The following TBCK variants were observed in gnomAD, a reference collection of about 807,000 sequenced individuals.
TBCK encodes the protein TBC1 domain containing kinase.
TBCK carries 99 observed loss-of-function variants against 113.4 expected under a neutral mutation model. The observed-to-expected ratio is 0.87, with a 90% CI of 0.74 to 1.03. The LOEUF (loss-of-function observed/expected upper bound fraction) is 1.03, where lower values mean the gene tolerates loss of function less well. Ranked by LOEUF, TBCK falls within the 50% of genes least tolerant of loss-of-function variation. The probability of loss-of-function intolerance (pLI) is 0.00; values close to 1 mark genes in which losing one functional copy is unlikely to be tolerated. For synonymous variants in TBCK, 369 were observed against 370.8 expected (o/e 1.00, Z 0.05); for missense variants, 1,045 against 1,061.3 (o/e 0.98, Z 0.21).
chr4:106,069,359 A>G (rs1737082057), intron 25 of TBCK, among the ~76,000 whole-genome samples: 1 of 152,216 alleles, frequency 6.6e-6, no homozygotes, highest in Non-Finnish European at 1.5e-5. Flanking sequence ...AGCTTTCTAC[A>G]TATGGCTAGC....
chr4:106,103,549 C>T (rs1741793334), intron 24 of TBCK, among the ~76,000 whole-genome samples: 1 of 152,120 alleles, frequency 6.6e-6, no homozygotes, highest in Non-Finnish European at 1.5e-5. Flanking sequence ...GTTATATGGC[C>T]TTGGGAAAGT....
At chr4:106,249,712 G>A (rs1761216343) in intron 7 of TBCK, among the ~76,000 whole-genome samples, 1 of 152,124 alleles carries the variant, frequency 6.6e-6, no homozygotes, top group African/African-American at 2.4e-5. Flanking sequence ...AATAGCTGTA[G>A]TATCAATCTT....
intron 19 of TBCK, among the ~76,000 whole-genome samples, chr4:106,223,720 G>T (rs1014771501): frequency 2.0e-5 from 3 of 152,102 alleles, no homozygotes; most frequent in African/African-American, 7.2e-5. Context: ...CACTACAAGA[G>T]TATGTTTAAT....
chr4:106,193,312 T>C (rs1235998989), intron 22 of TBCK, among the ~76,000 whole-genome samples: 1 of 152,162 alleles, frequency 6.6e-6, no homozygotes, highest in East Asian at 1.9e-4. Flanking sequence ...AAACAGCCCC[T>C]GTCCTAAGCA....
intron 15 of TBCK, among the ~76,000 whole-genome samples, chr4:106,234,320 T>C (rs567110145): frequency 1.3e-5 from 2 of 152,236 alleles, no homozygotes; most frequent in Admixed American, 6.5e-5. Flanking sequence ...TATTGAACAA[T>C]TGGCATTCTT....
chr4:106,214,622 A>T (rs1295964240), intron 19 of TBCK, among the ~76,000 whole-genome samples: 1 of 152,190 alleles, frequency 6.6e-6, no homozygotes, highest in African/African-American at 2.4e-5. Flanking sequence ...TCAGCAATGG[A>T]AGATGAAATG....
At chr4:106,281,292 C>T (rs1402267211) in intron 3 of TBCK, among the ~76,000 whole-genome samples, 5 of 135,164 alleles carry the variant, frequency 3.7e-5, no homozygotes, top group African/African-American at 1.4e-4. Flanking sequence ...ATTCATTTAT[C>T]ACTTCTAATC....
chr4:106,190,867 A>G (rs533685313), intron 22 of TBCK, among the ~76,000 whole-genome samples: 36 of 152,182 alleles, frequency 2.4e-4, no homozygotes, highest in African/African-American at 7.9e-4. Flanking sequence ...CAGCCTCCCA[A>G]CTAGCTGAGA....
intron 23 of TBCK, among the ~76,000 whole-genome samples, chr4:106,132,038 A>G (rs1295420204): frequency 2.0e-5 from 3 of 152,244 alleles, no homozygotes; most frequent in Non-Finnish European, 2.9e-5. Context: ...GCAGAGCAAA[A>G]AAGTTTGAAA....
chr4:106,138,660 G>A lies in TBCK; in HGVS notation c.2236-22282C>T, dbSNP rs1040040036. On this transcript the variant is annotated intron_variant, in intron 23 of 25. Coordinates refer to ENST00000394708, the MANE Select transcript of TBCK (RefSeq NM_001163435.3). ...CAGGGTCAAAGTGGCAATGTAGGGTGGTGTTGGTGTTGGTGTTGCTTTGCT... is the reference window on the plus strand; with the variant it reads ...CAGGGTCAAAGTGGCAATGTAGGGTAGTGTTGGTGTTGGTGTTGCTTTGCT... Among the ~76,000 whole-genome samples, 2 of 140,750 alleles carry A rather than the reference G, an allele frequency of 1.4e-5. 1 individual carries two copies. Among genetic ancestry groups the A allele is most frequent in the African/African-American group, 5.0e-5 (2 of 39,710 alleles). 92.3% of individuals were successfully genotyped at this position (140,750 alleles called of 152,430 possible).
chr4:106,198,840 T>C (rs1754554591), intron 20 of TBCK, among the ~76,000 whole-genome samples: 1 of 152,092 alleles, frequency 6.6e-6, no homozygotes. Context: ...AACAGATACC[T>C]AAAATGCTTT....
At chr4:106,077,849 A>G (rs1485362259) in intron 25 of TBCK, among the ~76,000 whole-genome samples, 7 of 152,208 alleles carry the variant, frequency 4.6e-5, no homozygotes, top group Non-Finnish European at 2.9e-5. Flanking sequence ...AACAGAATAC[A>G]TATTCTTCTC....
At position 106,235,338 on chromosome 4, in the gene TBCK, C is replaced by A. The variant is rs751680852; in HGVS notation, c.1380G>T (p.Trp460Cys). 13 of 1,609,870 alleles carry A rather than the reference C, an allele frequency of 8.1e-6. No individual in the cohort carries two copies. The East Asian group carries it at 2.5e-4, about 30-fold the overall frequency. ...GAGGAATGTCAACTCTTGCTTCTTTCCAGATTTGGTTTTTTTTATATGGAT... is the reference window on the plus strand; with the variant it reads ...GAGGAATGTCAACTCTTGCTTCTTTACAGATTTGGTTTTTTTTATATGGAT... ...KAYPYKKNQI[W>C]KEARVDIPPL... is the part of the protein sequence containing the mutation. The change falls in exon 15 of 26, where the codon TGG becomes TGT. Residue 460 changes from tryptophan to cysteine, a missense_variant. Physicochemically the swap from Trp to Cys is radical, Grantham distance 215. Coordinates refer to ENST00000394708, the MANE Select transcript of TBCK (RefSeq NM_001163435.3).
At chr4:106,215,264 C>T (rs1283913486) in intron 19 of TBCK, among the ~76,000 whole-genome samples, 1 of 151,786 alleles carries the variant, frequency 6.6e-6, no homozygotes, top group Non-Finnish European at 1.5e-5. Context: ...CAAAATCATG[C>T]CAAAATGTAA....
In TBCK at chr4:106,118,248, T is replaced by C. The variant is rs540953426; in HGVS notation, c.2236-1870A>G. Among the ~76,000 whole-genome samples, 10 of 152,276 alleles carry C rather than the reference T, an allele frequency of 6.6e-5. No individual in the cohort carries two copies. The East Asian group carries it at 1.7e-3, about 26-fold the overall frequency. On this transcript the variant is annotated intron_variant, in intron 23 of 25. Transcript: ENST00000394708. ...CCATATAAATCATTTACCAGATAGA[T>C]TTATTTAAAAAAATGGTTTTCAATT...
Position 106,058,497 on chromosome 4 carries a change from T to C in TBCK, c.2572-11817A>G, listed in dbSNP as rs922044995. On this transcript the variant is annotated intron_variant, in intron 25 of 25. Transcript: ENST00000394708. ...CTTGAGTTGTTAAGGAAGACTTCCATGAAGAAATGCTATATAAACAGCATT... is the reference window on the plus strand; with the variant it reads ...CTTGAGTTGTTAAGGAAGACTTCCACGAAGAAATGCTATATAAACAGCATT... 1.7e-4 allele frequency among the ~76,000 whole-genome samples: 26 copies of C among 151,852 alleles called. 1 individual carries two copies. Among genetic ancestry groups the C allele is most frequent in the Admixed American group, 1.6e-3 (24 of 15,216 alleles).
At chr4:106,216,672 A>G (rs1440411916) in intron 19 of TBCK, among the ~76,000 whole-genome samples, 1 of 152,230 alleles carries the variant, frequency 6.6e-6, no homozygotes, top group Non-Finnish European at 1.5e-5. Context: ...ACCAGGAAGA[A>G]GTTCAATCTC....
chr4:106,228,254 C>T (rs901768088), intron 19 of TBCK, among the ~76,000 whole-genome samples: 7 of 151,654 alleles, frequency 4.6e-5, no homozygotes, highest in African/African-American at 1.7e-4. Context: ...TATATACTTA[C>T]TTATTTTAAA....
At position 106,043,937 on chromosome 4, in the gene TBCK, C is replaced by T. The variant is rs779124921; in HGVS notation, c.*2633G>A. The T allele has an allele frequency of 1.3e-5, 2 of 152,104 alleles. No homozygotes were observed. Among genetic ancestry groups the T allele is most frequent in the Non-Finnish European group, 1.5e-5 (1 of 68,028 alleles). 9.4% of individuals were successfully genotyped at this position (152,104 alleles called of 1,614,324 possible). A position where few individuals can be genotyped will look rare whatever the true frequency, so the allele number is the denominator to read the frequency against. ...GAGGTCAACTGTTCGTATCATCCAC[C>T]ATGAAATAACATGCCCTGTGTATAA... On this transcript the variant is annotated 3_prime_UTR_variant, in exon 26 of 26. Coordinates refer to ENST00000394708, the MANE Select transcript of TBCK (RefSeq NM_001163435.3).
Sources: allele counts gnomAD v4.1 joint callset (sites outside exome capture counted in the v4.1 genomes callset), GRCh38; gene constraint gnomAD v4.1.1; transcripts MANE v1.5; gene names NCBI Gene and HGNC (gene_info 2026-07-23, HGNC 2026-07-21).